GABRB3: variants seen among roughly 807,000 people sequenced by gnomAD.
GABRB3 encodes the protein gamma-aminobutyric acid receptor subunit beta-3.
A neutral mutation model predicts 52.1 loss-of-function variants in GABRB3; 14 were observed. That is an observed-to-expected ratio of 0.27 (90% CI 0.18 to 0.42). The LOEUF is 0.42. GABRB3 is among the 10% of genes least tolerant of loss of function. The pLI is 1.00. For missense variants in GABRB3, 307 were observed against 609.1 expected, an observed-to-expected ratio of 0.50 and a Z score of 5.22; for synonymous variants, 260 against 232.3, an observed-to-expected ratio of 1.12 and a Z score of -1.08.
At chr15:26,618,875 C>T (rs1263103475) in intron 4 of GABRB3, among the ~76,000 whole-genome samples, 1 of 150,290 alleles carries the variant, frequency 6.7e-6, no homozygotes, top group Non-Finnish European at 1.5e-5. Context: ...ACAGACACTT[C>T]TCAAAAGAAG....
rs1361534288 is a variant in GABRB3, at chr15:26,547,846, G to T, written c.1369C>A (p.Pro457Thr). Residue 457 changes from proline to threonine, a missense_variant, in exon 9 of 9, where the codon CCA (proline) becomes ACA (threonine). This residue lies in a region of GABRB3 where 115 missense variants were observed against 166.9 expected (regional missense o/e 0.69). Coordinates refer to ENST00000311550, the MANE Select transcript of GABRB3 (RefSeq NM_000814.6). ...AAGTTGAAAAGAGAAAAAGTGAATG[G>T]AAACACGATCCTGGACCATCTGTCT... ...AIDRWSRIVF[P>T]FTFSLFNLVY... 1.2e-6 allele frequency: 2 copies of T among 1,614,076 alleles called. No individual in the cohort carries two copies. The highest frequency in any genetic ancestry group is 1.7e-6 in the Non-Finnish European group (2 of 1,180,018).
chr15:26,695,512 A>G (rs1888710406), intron 3 of GABRB3, among the ~76,000 whole-genome samples: 1 of 126,114 alleles, frequency 7.9e-6, no homozygotes, highest in South Asian at 2.9e-4. Context: ...CCTGCAATGC[A>G]AAGGAGAAAT....
At chr15:26,652,807 G>T (rs934868542) in intron 3 of GABRB3, among the ~76,000 whole-genome samples, 1 of 152,106 alleles carries the variant, frequency 6.6e-6, no homozygotes, top group African/African-American at 2.4e-5. Context: ...TATTCACGCT[G>T]ATTTATTCTA....
chr15:26,680,496 G>A (rs114415489), intron 3 of GABRB3, among the ~76,000 whole-genome samples: 1 of 152,290 alleles, frequency 6.6e-6, no homozygotes, highest in African/African-American at 2.4e-5. Flanking sequence ...TCTTCTTGGT[G>A]TAACAGTCAA....
chr15:26,676,215 A>G (rs1281814608), intron 3 of GABRB3, among the ~76,000 whole-genome samples: 1 of 152,216 alleles, frequency 6.6e-6, no homozygotes, highest in Non-Finnish European at 1.5e-5. Flanking sequence ...ATTTTGTTTC[A>G]ACAGACTTCT....
chr15:26,668,076 AAGAGTC>A (rs1199079537), intron 3 of GABRB3, among the ~76,000 whole-genome samples: 3 of 152,200 alleles, frequency 2.0e-5, no homozygotes, highest in Non-Finnish European at 4.4e-5. Context: ...TCACCCAGAC[AAGAGTC>A]AGAGTCTCAG....
intron 6 of GABRB3, 84 bp from the exon 7 acceptor site, chr15:26,567,817 C>G: frequency 7.4e-7 from 1 of 1,355,218 alleles, no homozygotes; most frequent in Non-Finnish European, 1.0e-6. Flanking sequence ...AGGTCAACAA[C>G]AGGCAATGGA....
chr15:26,715,035 G>T (rs533549905), intron 3 of GABRB3, among the ~76,000 whole-genome samples: 2 of 152,260 alleles, frequency 1.3e-5, no homozygotes, highest in South Asian at 4.1e-4. Context: ...AAAACAAGGT[G>T]CCAGGTAAAT....
intron 3 of GABRB3, among the ~76,000 whole-genome samples, chr15:26,701,100 G>C (rs755897373): frequency 1.3e-5 from 2 of 151,998 alleles, no homozygotes; most frequent in Non-Finnish European, 2.9e-5. Flanking sequence ...AAGAGAAGAG[G>C]ACTTTCTCAA....
intron 4 of GABRB3, among the ~76,000 whole-genome samples, chr15:26,611,254 G>A (rs947254693): frequency 8.5e-5 from 13 of 152,098 alleles, no homozygotes; most frequent in African/African-American, 2.9e-4. Context: ...TGAACTTTTT[G>A]TGTAATTTAA....
In GABRB3 at chr15:26,544,272, G is replaced by A. The variant is rs1286141915; in HGVS notation, c.*3521C>T. The A allele has an allele frequency of 1.3e-5, 2 of 152,584 alleles. No homozygotes were observed. The highest frequency in any genetic ancestry group is 2.9e-5 in the Non-Finnish European group (2 of 68,040). 9.5% of individuals were successfully genotyped at this position (152,584 alleles called of 1,614,324 possible). A position where few individuals can be genotyped will look rare whatever the true frequency, so the allele number is the denominator to read the frequency against. ...ACAAACACCAATGGATTATCTACTA[G>A]ATGCTGAAAATGAACACCTACAACT... On this transcript the variant is annotated 3_prime_UTR_variant, in exon 9 of 9. Coordinates refer to ENST00000311550, the MANE Select transcript of GABRB3 (RefSeq NM_000814.6).
chr15:26,552,986 G>T (rs1001644118), intron 8 of GABRB3, among the ~76,000 whole-genome samples: 1 of 152,140 alleles, frequency 6.6e-6, no homozygotes, highest in Non-Finnish European at 1.5e-5. Flanking sequence ...CATGAAAAGG[G>T]ATTTGATAAA....
intron 4 of GABRB3, chr15:26,611,858 T>C (rs1049910678): frequency 3.8e-4 from 58 of 152,212 alleles, no homozygotes; most frequent in African/African-American, 1.2e-3. Context: ...ATGAAACACA[T>C]TGGCAGTTTG....
chr15:26,691,153 G>C (rs1888575277), intron 3 of GABRB3, among the ~76,000 whole-genome samples: 1 of 151,872 alleles, frequency 6.6e-6, no homozygotes, highest in South Asian at 2.1e-4. Context: ...TCCCAGTCTT[G>C]CTCTCCCTGC....
chr15:26,551,409 C>T (rs1188938171), intron 8 of GABRB3, among the ~76,000 whole-genome samples: 1 of 152,168 alleles, frequency 6.6e-6, no homozygotes, highest in East Asian at 1.9e-4. Context: ...AATAACTGCT[C>T]CCTCGGCCAC....
At chr15:26,592,427 C>T (rs1479223192) in intron 4 of GABRB3, among the ~76,000 whole-genome samples, 1 of 152,092 alleles carries the variant, frequency 6.6e-6, no homozygotes, top group Non-Finnish European at 1.5e-5. Context: ...AAGAGATGTT[C>T]TATGAAAAGC....
chr15:26,642,356 T>G, intron 3 of GABRB3: 2 of 521,130 alleles, frequency 3.8e-6, no homozygotes. Flanking sequence ...TTGGTGTACT[T>G]GGAGGTATGG....
intron 3 of GABRB3, among the ~76,000 whole-genome samples, chr15:26,728,149 A>G (rs142296665): frequency 5.3e-5 from 8 of 152,326 alleles, no homozygotes; most frequent in African/African-American, 1.9e-4. Context: ...CAGGGAAACA[A>G]CTGAGGGATT....
At chr15:26,586,104 T>C (rs151148363) in intron 4 of GABRB3, among the ~76,000 whole-genome samples, 1,844 of 152,172 alleles carry the variant, frequency 0.012, 30 homozygotes, top group African/African-American at 0.042. Flanking sequence ...GTTCACACCA[T>C]TCTCCTGCCT....
Sources: gnomAD v4.1 joint callset for allele counts (sites outside exome capture counted in the v4.1 genomes callset) on GRCh38, gnomAD v4.1.1 for gene constraint, gnomAD v4.1.1 regional missense constraint, MANE v1.5 for transcripts, NCBI Gene and HGNC (gene_info 2026-07-23, HGNC 2026-07-21) for gene names.